NR2F1-AS1: variants seen among roughly 807,000 people sequenced by gnomAD.
NR2F1-AS1 encodes NR2F1 regulatory antisense RNA 1.
At chr5:93,584,320 TCCG>T (rs1045541895), upstream of NR2F1-AS1, 10 of 148,836 alleles carry the variant, frequency 6.7e-5, no homozygotes, top group South Asian at 1.8e-4. Context: ...CTCCTCCTCC[TCCG>T]CCGCCGCCGC....
chr5:93,584,358 C>G (rs1048789551), upstream of NR2F1-AS1: 2 of 149,718 alleles, frequency 1.3e-5, no homozygotes, highest in African/African-American at 2.4e-5. Context: ...CCGGCTTCCT[C>G]TATGTCGGCT....
chr5:93,430,576 T>C (rs1179417971), intron 4 of NR2F1-AS1, among the ~76,000 whole-genome samples: 1 of 152,202 alleles, frequency 6.6e-6, no homozygotes, highest in Non-Finnish European at 1.5e-5. Context: ...ACAAGAAATT[T>C]GGCTTATTCA....
At chr5:93,572,383 C>A (rs2149929244) in intron 1 of NR2F1-AS1, among the ~76,000 whole-genome samples, 1 of 152,314 alleles carries the variant, frequency 6.6e-6, no homozygotes, top group East Asian at 1.9e-4. Flanking sequence ...GTATCCAGCC[C>A]CACGTAGGGG....
intron 4 of NR2F1-AS1, among the ~76,000 whole-genome samples, chr5:93,425,784 T>C (rs1401194581): frequency 1.3e-5 from 2 of 152,146 alleles, no homozygotes; most frequent in African/African-American, 4.8e-5. Flanking sequence ...GCCTCTATTA[T>C]ATCATTCAGT....
At chr5:93,545,593 C>T (rs889205629) in intron 4 of NR2F1-AS1, among the ~76,000 whole-genome samples, 2 of 152,306 alleles carry the variant, frequency 1.3e-5, no homozygotes, top group Non-Finnish European at 2.9e-5. Context: ...TTAATCCACA[C>T]TTTTGCCTCT....
In NR2F1-AS1 at chr5:93,579,696, T is replaced by C. The variant is rs1444923527; in HGVS notation, n.313+771A>G. Reference sequence around the variant, plus strand: ...CCCCGCACGGAGGAAAGCGCTCTTGTTGGTTTTAATTGAGCCTCTTCCTTT... The same window carrying C: ...CCCCGCACGGAGGAAAGCGCTCTTGCTGGTTTTAATTGAGCCTCTTCCTTT... On this transcript the variant is annotated intron_variant and non_coding_transcript_variant, in intron 1 of 5. Transcript: ENST00000660523. This position sits in a 1 kb window ranked among gnomAD's most constrained non-coding sequence, Gnocchi z 5.1. 6.7e-6 allele frequency among the ~76,000 whole-genome samples: 1 copy of C among 149,172 alleles called. No individual in the cohort carries two copies. The highest frequency in any genetic ancestry group is 2.5e-5 in the African/African-American group (1 of 40,710).
At chr5:93,477,661 C>T (rs1186302403) in intron 4 of NR2F1-AS1, among the ~76,000 whole-genome samples, 1 of 152,174 alleles carries the variant, frequency 6.6e-6, no homozygotes, top group Non-Finnish European at 1.5e-5. Context: ...TTTGCTATCA[C>T]CTGTAGCATT....
At chr5:93,507,912 C>T (rs574153148) in intron 4 of NR2F1-AS1, among the ~76,000 whole-genome samples, 6 of 152,152 alleles carry the variant, frequency 3.9e-5, no homozygotes, top group Non-Finnish European at 7.4e-5. Flanking sequence ...ATATATCTAA[C>T]AAAATCTGAC....
At chr5:93,467,858 C>T (rs1750273160) in intron 4 of NR2F1-AS1, among the ~76,000 whole-genome samples, 1 of 152,126 alleles carries the variant, frequency 6.6e-6, no homozygotes, top group Non-Finnish European at 1.5e-5. Flanking sequence ...TGCCCTGTGT[C>T]CATGTGTTCT....
intron 4 of NR2F1-AS1, among the ~76,000 whole-genome samples, chr5:93,523,467 A>C (rs926603326): frequency 1.3e-5 from 2 of 152,184 alleles, no homozygotes; most frequent in African/African-American, 4.8e-5. Flanking sequence ...TGAAGAGAGC[A>C]GCGGATCTCC....
chr5:93,540,553 C>T (rs1751927628), intron 4 of NR2F1-AS1, among the ~76,000 whole-genome samples: 1 of 152,140 alleles, frequency 6.6e-6, no homozygotes, highest in Non-Finnish European at 1.5e-5. Flanking sequence ...CTAAAAATTG[C>T]TTTGAAGCCT....
intron 4 of NR2F1-AS1, among the ~76,000 whole-genome samples, chr5:93,444,586 CA>C (rs1235151503): frequency 6.6e-6 from 1 of 152,124 alleles, no homozygotes; most frequent in Non-Finnish European, 1.5e-5. Flanking sequence ...TGTACACTCC[CA>C]CACAAAAATA....
At chr5:93,521,482 C>T (rs563502676) in intron 4 of NR2F1-AS1, among the ~76,000 whole-genome samples, 7 of 152,224 alleles carry the variant, frequency 4.6e-5, no homozygotes, top group African/African-American at 1.4e-4. Flanking sequence ...GGTCTAATAT[C>T]CAGCATCTAT....
At chr5:93,467,755 C>T (rs1750270467) in intron 4 of NR2F1-AS1, among the ~76,000 whole-genome samples, 1 of 152,076 alleles carries the variant, frequency 6.6e-6, no homozygotes. Context: ...TATACATGTG[C>T]CATGTTGGTT....
At chr5:93,573,402 G>T (rs1486877147) in intron 1 of NR2F1-AS1, among the ~76,000 whole-genome samples, 1 of 152,126 alleles carries the variant, frequency 6.6e-6, no homozygotes, top group African/African-American at 2.4e-5. Context: ...GGGGACTTCC[G>T]CGGCCTTTGC....
intron 4 of NR2F1-AS1, among the ~76,000 whole-genome samples, chr5:93,536,480 C>G (rs1412227249): frequency 1.3e-5 from 2 of 152,078 alleles, no homozygotes; most frequent in Non-Finnish European, 2.9e-5. Flanking sequence ...ATAGCAAAAG[C>G]AATCCTTAGC....
intron 4 of NR2F1-AS1, among the ~76,000 whole-genome samples, chr5:93,548,211 A>G (rs1752134394): frequency 6.6e-6 from 1 of 152,208 alleles, no homozygotes. Flanking sequence ...CAAGTTGTAC[A>G]TCACAAATGG....
At chr5:93,469,646 C>T (rs945409417) in intron 4 of NR2F1-AS1, among the ~76,000 whole-genome samples, 4 of 152,026 alleles carry the variant, frequency 2.6e-5, no homozygotes, top group African/African-American at 7.2e-5. Flanking sequence ...TTGCACCATG[C>T]CTTCCTTGCA....
At chr5:93,424,186 T>C (rs1007272370) in intron 4 of NR2F1-AS1, among the ~76,000 whole-genome samples, 3 of 152,084 alleles carry the variant, frequency 2.0e-5, no homozygotes, top group Admixed American at 6.6e-5. Context: ...TGACTTCAAC[T>C]ACATGCCAAC....
Sources: gnomAD v4.1 joint callset for allele counts (sites outside exome capture counted in the v4.1 genomes callset) on GRCh38, gnomAD v4.1.1 for gene constraint, Gnocchi (gnomAD v3.1) non-coding constraint, MANE v1.5 for transcripts, NCBI Gene and HGNC (gene_info 2026-07-23, HGNC 2026-07-21) for gene names.